PDZK1IP1: variants seen among roughly 807,000 people sequenced by gnomAD.
PDZK1IP1 encodes PDZK1 interacting protein 1.
A neutral mutation model predicts 14.7 loss-of-function variants in PDZK1IP1; 9 were observed. The ratio of observed to expected loss-of-function variants is 0.61; its 90% confidence interval spans 0.37 to 1.07. The LOEUF is 1.07. Among genes scored for constraint, PDZK1IP1 ranks in the 50% least tolerant of loss-of-function variants. The pLI is 0.01. For missense variants in PDZK1IP1, 152 were observed against 148.7 expected, an observed-to-expected ratio of 1.02 and a Z score of -0.11; for synonymous variants, 70 against 61.2, an observed-to-expected ratio of 1.14 and a Z score of -0.67.
chr1:47,187,779 G>A (rs982518919), intron 1 of PDZK1IP1, among the ~76,000 whole-genome samples: 2 of 152,228 alleles, frequency 1.3e-5, no homozygotes, highest in African/African-American at 2.4e-5. Flanking sequence ...CAGCCCCAGG[G>A]ACCAAAGGGC....
chr1:47,189,583 C>T (rs1358142226), intron 1 of PDZK1IP1, among the ~76,000 whole-genome samples: 1 of 152,192 alleles, frequency 6.6e-6, no homozygotes, highest in African/African-American at 2.4e-5. Flanking sequence ...CCCCTGTACT[C>T]AGGACCCAGC....
At position 47,187,369 on chromosome 1, in the gene PDZK1IP1, G is replaced by C. The variant is rs1485038622; in HGVS notation, c.126C>G (p.Val42=). The C allele has an allele frequency of 6.2e-7, 1 of 1,612,848 alleles. No homozygotes were observed. The highest frequency in any genetic ancestry group is 8.5e-7 in the Non-Finnish European group (1 of 1,179,972). ...QGLIAVAVFL[V]LVAIAFAVNH... The stretch of plus-strand genomic sequence containing the variant: ...TGACTGCAAAGGCGATTGCAACGAG[G>C]ACCAGGAACACGGCCACCGCGATAA... The change falls in exon 2 of 4, where the codon GTC becomes GTG. Residue 42 remains valine, a synonymous_variant. Transcript: ENST00000294338.
chr1:47,186,001 G>A (rs1645317703), intron 2 of PDZK1IP1, among the ~76,000 whole-genome samples: 2 of 152,062 alleles, frequency 1.3e-5, no homozygotes, highest in Non-Finnish European at 1.5e-5. Flanking sequence ...GTCTCATCCC[G>A]AAACTGGCTT....
intron 1 of PDZK1IP1, 110 bp downstream of exon 1, chr1:47,189,756 G>C (rs1288631011): frequency 8.1e-6 from 6 of 738,704 alleles, no homozygotes; most frequent in Non-Finnish European, 1.3e-5. Flanking sequence ...AGCTAGCGCA[G>C]TCCCTGCTCC....
At chr1:47,184,567 ATAC>A (rs1452391680) in intron 3 of PDZK1IP1, among the ~76,000 whole-genome samples, 3 of 51,978 alleles carry the variant, frequency 5.8e-5, no homozygotes, top group African/African-American at 7.8e-5. Flanking sequence ...CACTGAGTCC[ATAC>A]CCCACTGAGT....
chr1:47,184,093 T>A, intron 3 of PDZK1IP1, 50 bp from the exon 4 acceptor site: 3 of 1,346,676 alleles, frequency 2.2e-6, no homozygotes, highest in Non-Finnish European at 3.1e-6. Context: ...TCCCATTCTA[T>A]CCCCTTCTCC....
chr1:47,189,839 G>A (rs375065462), intron 1 of PDZK1IP1, 27 bp downstream of exon 1: 235 of 1,561,586 alleles, frequency 1.5e-4, no homozygotes, highest in Non-Finnish European at 1.9e-4. Context: ...TGGGTCTCCC[G>A]TGCCCAGCCC....
Position 47,185,230 on chromosome 1 carries a change from T to C in PDZK1IP1, c.177-133A>G, listed in dbSNP as rs987071874. 1.3e-5 allele frequency: 9 copies of C among 693,850 alleles called. No homozygotes were observed. In the East Asian group the frequency reaches 2.1e-4, roughly 16 times the overall value. The allele number at this position is 693,850 out of a possible 1,614,324, so 43.0% of individuals were successfully genotyped here. On this transcript the variant is annotated intron_variant, in intron 2 of 3. Transcript: ENST00000294338. ...TCCCAGAGCTGTGTGCAACAGGGCA[T>C]GTCAGCCGCGGCTACTGGCCCCACC...
intron 3 of PDZK1IP1, 60 bp downstream of exon 3, chr1:47,184,942 T>C: frequency 7.3e-7 from 1 of 1,363,404 alleles, no homozygotes; most frequent in Non-Finnish European, 1.0e-6. Flanking sequence ...GCAGCACCTG[T>C]CTTGAGATTC....
rs760797102 is a variant in PDZK1IP1 at position 47,187,339 on chromosome 1, G to A, written c.156C>T (p.His52=). 6.2e-5 allele frequency: 100 copies of A among 1,612,552 alleles called. 1 individual carries two copies. The East Asian group carries it at 2.2e-3, about 35-fold the overall frequency. The part of the protein sequence containing the change: ...VLVAIAFAVN[H]FWCQEEPEPA... ...CTCACGGCTCCTCCTGGCACCAGAA[G>A]TGGTTGACTGCAAAGGCGATTGCAA... is the stretch of plus-strand genomic sequence containing the variant. Residue 52 remains histidine (H), a synonymous_variant, in exon 2 of 4, where the codon CAC becomes CAT. Coordinates refer to ENST00000294338, the MANE Select transcript of PDZK1IP1 (RefSeq NM_005764.4).
intron 1 of PDZK1IP1, among the ~76,000 whole-genome samples, chr1:47,189,619 G>T (rs1428571905): frequency 6.6e-6 from 1 of 152,206 alleles, no homozygotes; most frequent in Non-Finnish European, 1.5e-5. Flanking sequence ...GCCTGCTCTT[G>T]GGGCTTGGGC....
chr1:47,185,013 C>A lies in PDZK1IP1; in HGVS notation c.261G>T (p.Ala87=), dbSNP rs572202205. The A allele has an allele frequency of 3.1e-6, 5 of 1,612,806 alleles. No individual in the cohort carries two copies. The highest frequency in any genetic ancestry group is 1.7e-5 in the Admixed American group (1 of 59,982). Reference sequence around the variant, plus strand: ...GCCCTGCACCTCACCTGAAACTGGCCGCCATCGAAGAGTACCTTCCATCTG... The same window carrying A: ...GCCCTGCACCTCACCTGAAACTGGCAGCCATCGAAGAGTACCTTCCATCTG... ...VGTDGRYSSM[A]ASFRSSEHEN... Residue 87 remains alanine (A), a synonymous_variant, in exon 3 of 4, where the codon GCG becomes GCT. Transcript: ENST00000294338.
intron 1 of PDZK1IP1, among the ~76,000 whole-genome samples, chr1:47,187,684 G>T (rs1413566364): frequency 6.6e-6 from 1 of 152,232 alleles, no homozygotes; most frequent in Non-Finnish European, 1.5e-5. Flanking sequence ...GGAGTTGGAA[G>T]GAGTGAGAAG....
At chr1:47,187,228 G>T in intron 2 of PDZK1IP1, 91 bp downstream of exon 2, 2 of 859,768 alleles carry the variant, frequency 2.3e-6, no homozygotes, top group South Asian at 1.5e-5. Flanking sequence ...ATTGGACACA[G>T]GGTTTCTGAG....
intron 3 of PDZK1IP1, among the ~76,000 whole-genome samples, 152 bp downstream of exon 3, chr1:47,184,849 GC>G (rs1173025380): frequency 6.6e-6 from 1 of 151,124 alleles, no homozygotes; most frequent in Non-Finnish European, 1.5e-5. Flanking sequence ...TCCCCACAGA[GC>G]CCTGCAATCC....
chr1:47,189,828 CT>C (rs1221140481), intron 1 of PDZK1IP1, 37 bp downstream of exon 1: 7 of 1,528,734 alleles, frequency 4.6e-6, no homozygotes, highest in Non-Finnish European at 4.4e-6. Flanking sequence ...CTGTCCACCC[CT>C]GGGTCTCCCG....
At chr1:47,186,288 A>G (rs943928486) in intron 2 of PDZK1IP1, among the ~76,000 whole-genome samples, 5 of 151,560 alleles carry the variant, frequency 3.3e-5, no homozygotes, top group African/African-American at 9.7e-5. Flanking sequence ...AGCCTGGGCA[A>G]CAAGAGCAAA....
intron 3 of PDZK1IP1, among the ~76,000 whole-genome samples, chr1:47,184,320 GCTCCACTAAA>G (rs1645302865): frequency 1.9e-5 from 1 of 52,494 alleles, no homozygotes. Flanking sequence ...CTGACACCAT[GCTCCACTAAA>G]CCCATCCCCC....
chr1:47,187,089 C>T (rs1645324191), intron 2 of PDZK1IP1, among the ~76,000 whole-genome samples: 1 of 152,234 alleles, frequency 6.6e-6, no homozygotes, highest in South Asian at 2.1e-4. Flanking sequence ...GGCACCAGAG[C>T]TGTGGGGCCC....
Sources: allele counts gnomAD v4.1 joint callset (sites outside exome capture counted in the v4.1 genomes callset), GRCh38; gene constraint gnomAD v4.1.1; transcripts MANE v1.5; gene names NCBI Gene and HGNC (gene_info 2026-07-23, HGNC 2026-07-21).